The following DCHS2 variants were observed in gnomAD, a reference collection of about 807,000 sequenced individuals.
The protein encoded by DCHS2 is dachsous cadherin-related 2.
DCHS2 carries 142 observed loss-of-function variants against 182.4 expected under a neutral mutation model. That is an observed-to-expected ratio of 0.78 (90% CI 0.68 to 0.89). The LOEUF (loss-of-function observed/expected upper bound fraction) is 0.89. Ranked by LOEUF, DCHS2 falls within the 40% of genes least tolerant of loss-of-function variation. DCHS2 has a pLI of 0.00. For synonymous variants in DCHS2, 1,740 were observed against 1,663.3 expected (o/e 1.05, Z -1.12); for missense variants, 4,319 against 4,198.6 (o/e 1.03, Z -0.79).
chr4:154,460,640 T>C (rs1415334906), intron 1 of DCHS2, among the ~76,000 whole-genome samples: 1 of 152,118 alleles, frequency 6.6e-6, no homozygotes, highest in African/African-American at 2.4e-5. Flanking sequence ...GTGGAAATAG[T>C]TTTCTGAAAA....
chr4:154,307,473 C>T (rs1223398397), intron 10 of DCHS2, among the ~76,000 whole-genome samples: 2 of 151,548 alleles, frequency 1.3e-5, no homozygotes, highest in East Asian at 1.9e-4. Context: ...ACATATCTAC[C>T]TTCTCTTAGA....
intron 1 of DCHS2, among the ~76,000 whole-genome samples, chr4:154,454,749 T>C (rs956827693): frequency 2.0e-5 from 3 of 152,234 alleles, no homozygotes; most frequent in African/African-American, 7.2e-5. Context: ...CAAGAGGACA[T>C]CCTCTAAAGT....
chr4:154,454,396 A>C (rs893791342), intron 1 of DCHS2, among the ~76,000 whole-genome samples: 1 of 152,214 alleles, frequency 6.6e-6, no homozygotes, highest in East Asian at 1.9e-4. Context: ...GGTGTACGCC[A>C]TCATGCTCAG....
intron 1 of DCHS2, among the ~76,000 whole-genome samples, chr4:154,449,202 T>C (rs1478778353): frequency 8.8e-6 from 1 of 113,564 alleles, no homozygotes; most frequent in Admixed American, 1.1e-4. Context: ...ATTTGTCACT[T>C]AAATATCCCC....
chr4:154,456,314 G>A (rs1734762888), intron 1 of DCHS2, among the ~76,000 whole-genome samples: 1 of 152,182 alleles, frequency 6.6e-6, no homozygotes, highest in Non-Finnish European at 1.5e-5. Flanking sequence ...CATATAGCAA[G>A]CATTTATTGA....
intron 17 of DCHS2, 89 bp from the exon 18 acceptor site, chr4:154,240,912 C>A: frequency 6.7e-7 from 1 of 1,500,016 alleles, no homozygotes; most frequent in African/African-American, 1.4e-5. Flanking sequence ...TATTTTTATT[C>A]TAAGTCCAAT....
At chr4:154,259,456 A>G (rs1327028188) in intron 15 of DCHS2, 89 bp downstream of exon 15, 15 of 1,539,708 alleles carry the variant, frequency 9.7e-6, no homozygotes, top group Non-Finnish European at 1.2e-5. Context: ...TTTTATGTAC[A>G]TTGACTTGTA....
chr4:154,363,516 A>G (rs1021516129), intron 3 of DCHS2, among the ~76,000 whole-genome samples: 1 of 152,226 alleles, frequency 6.6e-6, no homozygotes, highest in Non-Finnish European at 1.5e-5. Flanking sequence ...GAAATACTGA[A>G]CTCATAGAAA....
At chr4:154,487,084 A>T (rs771013895) in intron 1 of DCHS2, among the ~76,000 whole-genome samples, 3 of 152,252 alleles carry the variant, frequency 2.0e-5, no homozygotes, top group Non-Finnish European at 4.4e-5. Flanking sequence ...CATCAAAAAA[A>T]TCATAATTAA....
intron 7 of DCHS2, 138 bp from the exon 8 acceptor site, chr4:154,322,626 T>A: frequency 1.8e-6 from 2 of 1,142,098 alleles, no homozygotes; most frequent in Non-Finnish European, 2.3e-6. Context: ...AAAATGACAC[T>A]AAAAATAGAC....
chr4:154,302,312 G>A (rs111935817), intron 12 of DCHS2, among the ~76,000 whole-genome samples: 5 of 152,222 alleles, frequency 3.3e-5, no homozygotes, highest in African/African-American at 9.6e-5. Flanking sequence ...CAATTCACTT[G>A]GCATTCCCAG....
At chr4:154,293,922 C>T (rs1734789858) in intron 13 of DCHS2, among the ~76,000 whole-genome samples, 1 of 152,036 alleles carries the variant, frequency 6.6e-6, no homozygotes. Context: ...ATTTCCACTG[C>T]CTGGCACAAC....
chr4:154,357,981 A>G (rs934339465), intron 3 of DCHS2, among the ~76,000 whole-genome samples: 1 of 152,164 alleles, frequency 6.6e-6, no homozygotes, highest in African/African-American at 2.4e-5. Flanking sequence ...CAGGGAATAC[A>G]TAGTAAGTTC....
At chr4:154,291,793 A>C (rs2111262463) in intron 13 of DCHS2, among the ~76,000 whole-genome samples, 1 of 152,228 alleles carries the variant, frequency 6.6e-6, no homozygotes, top group South Asian at 2.1e-4. Flanking sequence ...GGTTACCAGA[A>C]GCTGGGAAGG....
In DCHS2 at chr4:154,320,956, A is replaced by G; in HGVS notation, c.4443T>C (p.Thr1481=). 1 of 1,614,140 alleles carries G rather than the reference A, an allele frequency of 6.2e-7. No homozygotes were observed. Among genetic ancestry groups the G allele is most frequent in the Non-Finnish European group, 8.5e-7 (1 of 1,180,008 alleles). ...GGGAAAGGTTTTTGCTATGGTCTGT[A>G]GTAATCACTCTGAAAAGATAATGAG... ...TTSHYLFRVI[T]TDHSKNLSLS... Residue 1481 remains threonine (T), a synonymous_variant, in exon 9 of 20, where the codon ACT becomes ACC. Transcript: ENST00000357232.
intron 1 of DCHS2, among the ~76,000 whole-genome samples, chr4:154,391,715 G>A (rs1731715220): frequency 6.6e-6 from 1 of 152,148 alleles, no homozygotes; most frequent in African/African-American, 2.4e-5. Context: ...TGGGGGTTCT[G>A]TGTGTTCCCA....
Position 154,242,695 on chromosome 4 carries a change from A to T in DCHS2, c.7019T>A (p.Ile2340Lys), listed in dbSNP as rs140202044. The T allele has an allele frequency of 1.2e-4, 194 of 1,613,240 alleles. 1 individual carries two copies. The African/African-American group carries it at 2.3e-3, about 19-fold the overall frequency. ...GAGAAAAGCTGGGGCATTGTCATTT[A>T]TATCAGTCACCTGTACCTTGATTAC... is the stretch of plus-strand genomic sequence containing the variant. ...TTVIKVQVTD[I>K]NDNAPAFLPS... The change falls in exon 17 of 20, where the codon ATA (isoleucine) becomes AAA (lysine). Residue 2340 changes from isoleucine (I) to lysine (K), a missense_variant. Coordinates refer to ENST00000357232, the MANE Select transcript of DCHS2 (RefSeq NM_001358235.2).
chr4:154,328,843 A>G (rs1289392722), intron 6 of DCHS2, among the ~76,000 whole-genome samples: 1 of 152,184 alleles, frequency 6.6e-6, no homozygotes, highest in Admixed American at 6.5e-5. Context: ...GTTGTTCAAT[A>G]TGTATATTTG....
At chr4:154,385,725 C>T (rs1044650414) in intron 1 of DCHS2, among the ~76,000 whole-genome samples, 1 of 152,032 alleles carries the variant, frequency 6.6e-6, no homozygotes, top group Non-Finnish European at 1.5e-5. Context: ...ATCTCTTGAC[C>T]TCGTGACCCA....
Sources: allele counts gnomAD v4.1 joint callset (sites outside exome capture counted in the v4.1 genomes callset), GRCh38; gene constraint gnomAD v4.1.1; transcripts MANE v1.5; gene names NCBI Gene and HGNC (gene_info 2026-07-23, HGNC 2026-07-21).